SLIT3: variants seen among roughly 807,000 people sequenced by gnomAD.
SLIT3 encodes the protein slit homolog 3 protein.
SLIT3 carries 68 observed loss-of-function variants against 184.0 expected under a neutral mutation model. The observed-to-expected ratio is 0.37, with a 90% CI of 0.30 to 0.45. SLIT3 has a LOEUF of 0.45. Among genes scored for constraint, SLIT3 ranks in the 20% least tolerant of loss-of-function variants. The probability of loss-of-function intolerance (pLI) is 1.00; values close to 1 mark genes in which losing one functional copy is unlikely to be tolerated. For synonymous variants in SLIT3, 831 were observed against 828.6 expected (o/e 1.00, Z -0.05); for missense variants, 1,707 against 2,026.0 (o/e 0.84, Z 3.02).
intron 6 of SLIT3, among the ~76,000 whole-genome samples, chr5:168,827,147 G>A (rs1757732698): frequency 6.6e-6 from 1 of 152,198 alleles, no homozygotes; most frequent in South Asian, 2.1e-4. Context: ...GAAGCATGTG[G>A]TAGTGCCAAG....
chr5:168,789,484 G>A (rs2247645), intron 11 of SLIT3, 76 bp downstream of exon 11: 373,282 of 1,137,568 alleles, frequency 0.33, 67,106 homozygotes, highest in African/African-American at 0.65. Context: ...CACCTCCTGA[G>A]AAATATGGTT....
At chr5:168,691,200 T>C (rs575079394) in intron 29 of SLIT3, among the ~76,000 whole-genome samples, 1 of 152,268 alleles carries the variant, frequency 6.6e-6, no homozygotes, top group Non-Finnish European at 1.5e-5. Flanking sequence ...CCCACTATAC[T>C]CCACACAATC....
At chr5:169,089,135 C>T (rs766591458) in intron 4 of SLIT3, among the ~76,000 whole-genome samples, 6 of 150,324 alleles carry the variant, frequency 4.0e-5, no homozygotes, top group East Asian at 2.0e-4. Flanking sequence ...TCTGATGCAG[C>T]AGCCCTGTAC....
At position 168,663,388 on chromosome 5, in the gene SLIT3, A is replaced by C. The variant is rs1760935120; in HGVS notation, c.*3066T>G. 6.6e-6 allele frequency: 1 copy of C among 152,278 alleles called. No homozygotes were observed. The highest frequency in any genetic ancestry group is 1.5e-5 in the Non-Finnish European group (1 of 68,114). 9.4% of individuals were successfully genotyped at this position (152,278 alleles called of 1,614,324 possible). A position where few individuals can be genotyped will look rare whatever the true frequency, so the allele number is the denominator to read the frequency against. On this transcript the variant is annotated 3_prime_UTR_variant, in exon 36 of 36. Coordinates refer to ENST00000519560, the MANE Select transcript of SLIT3 (RefSeq NM_003062.4). ...TCAAGAGCAGAGCTTCTAAGCTACC[A>C]TAGACATTTGTGATCCATCTGGCCG...
At position 168,753,048 on chromosome 5, in the gene SLIT3, C is replaced by G; in HGVS notation, c.1880G>C (p.Gly627Ala). ...GGACAGCAGTCTCACCGAACTCAGG[C>G]CGGCAAAGGTGTCATTACTCACACA... Reference protein sequence around the residue: ...IGCVSNDTFAGLSSVRLLSLY... With the variant: ...IGCVSNDTFAALSSVRLLSLY... Residue 627 changes from glycine (G) to alanine (A), a missense_variant, in exon 18 of 36, where the codon GGC becomes GCC. This residue lies in a region of SLIT3 where 1,307 missense variants were observed against 1,511.6 expected (regional missense o/e 0.86). Coordinates refer to ENST00000519560, the MANE Select transcript of SLIT3 (RefSeq NM_003062.4). 6 of 1,614,112 alleles carry G rather than the reference C, an allele frequency of 3.7e-6. No homozygotes were observed. Among genetic ancestry groups the G allele is most frequent in the Non-Finnish European group, 4.2e-6 (5 of 1,179,996 alleles).
chr5:168,749,401 T>C, intron 19 of SLIT3, 71 bp downstream of exon 19: 1 of 1,554,780 alleles, frequency 6.4e-7, no homozygotes, highest in Non-Finnish European at 8.8e-7. Flanking sequence ...GAGTATCTGA[T>C]TGTGCATCTT....
intron 4 of SLIT3, among the ~76,000 whole-genome samples, chr5:168,897,649 C>CGT (rs1472897951): frequency 3.6e-5 from 4 of 111,970 alleles, no homozygotes; most frequent in Admixed American, 9.6e-5. Context: ...GGTGCACGTA[C>CGT]ACACACACAC....
chr5:168,849,330 C>A (rs1316606658), intron 5 of SLIT3, among the ~76,000 whole-genome samples: 2 of 152,238 alleles, frequency 1.3e-5, no homozygotes, highest in African/African-American at 4.8e-5. Flanking sequence ...CCAAATCCAG[C>A]AGCAGCGTTC....
chr5:169,098,910 G>T (rs1000661269), intron 4 of SLIT3, among the ~76,000 whole-genome samples: 2 of 152,012 alleles, frequency 1.3e-5, no homozygotes, highest in Non-Finnish European at 2.9e-5. Context: ...CGGGTAGGAG[G>T]GTCACACACC....
At position 169,300,868 on chromosome 5, in the gene SLIT3, G is replaced by T. The variant is rs1258876597; in HGVS notation, c.-159C>A. The T allele has an allele frequency of 3.3e-6, 2 of 607,268 alleles. No individual in the cohort carries two copies. The highest frequency in any genetic ancestry group is 4.6e-6 in the Non-Finnish European group (2 of 436,514). 37.6% of individuals were successfully genotyped at this position (607,268 alleles called of 1,614,324 possible). A position where few individuals can be genotyped will look rare whatever the true frequency, so the allele number is the denominator to read the frequency against. Reference sequence around the variant, plus strand: ...GTGCTCAGGCGCACGGGGCGCGGGCGGAGCGGGGCGCTCCGGGCGGCGGCG... The same window carrying T: ...GTGCTCAGGCGCACGGGGCGCGGGCTGAGCGGGGCGCTCCGGGCGGCGGCG... On this transcript the variant is annotated 5_prime_UTR_variant, in exon 1 of 36. Coordinates refer to ENST00000519560, the MANE Select transcript of SLIT3 (RefSeq NM_003062.4). This position sits in a 1 kb window ranked among gnomAD's most constrained non-coding sequence, Gnocchi z 4.1.
chr5:168,712,801 A>T (rs1762600891), intron 23 of SLIT3: 1 of 161,866 alleles, frequency 6.2e-6, no homozygotes, highest in Non-Finnish European at 1.4e-5. Context: ...GTCGCTTACC[A>T]GCTGTGTGAC....
At chr5:168,945,532 G>A (rs2113220598) in intron 4 of SLIT3, among the ~76,000 whole-genome samples, 1 of 152,270 alleles carries the variant, frequency 6.6e-6, no homozygotes, top group Non-Finnish European at 1.5e-5. Flanking sequence ...CACCACGCCC[G>A]GCCCAGTATC....
At chr5:169,033,809 GA>G (rs1256615246) in intron 4 of SLIT3, among the ~76,000 whole-genome samples, 1 of 140,700 alleles carries the variant, frequency 7.1e-6, no homozygotes, top group African/African-American at 2.7e-5. Context: ...ACTATTGTAT[GA>G]TTTTTTTTTT....
chr5:168,706,609 A>T (rs1762378543), intron 26 of SLIT3: 1 of 152,154 alleles, frequency 6.6e-6, no homozygotes, highest in Non-Finnish European at 1.5e-5. Flanking sequence ...TCTGGACCTT[A>T]TGCATTTAGT....
rs1038236760 is a variant in SLIT3, at chr5:169,193,667, G to T, written c.342-117C>A. The T allele has an allele frequency of 5.3e-5, 43 of 804,870 alleles. 1 individual carries two copies. The South Asian group carries it at 6.0e-4, about 11-fold the overall frequency. 49.9% of individuals were successfully genotyped at this position (804,870 alleles called of 1,614,324 possible). A position where few individuals can be genotyped will look rare whatever the true frequency, so the allele number is the denominator to read the frequency against. ...CAATAGGCATTAAGAGACTCTCTAC[G>T]TCTTTCAGTATGGGCTGCTCAACAC... On this transcript the variant is annotated intron_variant, in intron 3 of 35. Coordinates refer to ENST00000519560, the MANE Select transcript of SLIT3 (RefSeq NM_003062.4).
rs191370081 is a variant in SLIT3 at position 168,694,625 on chromosome 5, C to T, written c.3082+1667G>A. On this transcript the variant is annotated intron_variant, in intron 28 of 35. Coordinates refer to ENST00000519560, the MANE Select transcript of SLIT3 (RefSeq NM_003062.4). Reference sequence around the variant, plus strand: ...TCTCTTTCTTTATCTCTCTCTCTTTCTTTCTTTTTTTGAGACAGAGTTTTG... The same window carrying T: ...TCTCTTTCTTTATCTCTCTCTCTTTTTTTCTTTTTTTGAGACAGAGTTTTG... 4.9e-3 allele frequency among the ~76,000 whole-genome samples: 744 copies of T among 152,144 alleles called. 3 individuals carry two copies. The highest frequency in any genetic ancestry group is 0.017 in the African/African-American group (712 of 41,514).
At chr5:168,711,722 G>T (rs948807447) in intron 24 of SLIT3, among the ~76,000 whole-genome samples, 1 of 152,214 alleles carries the variant, frequency 6.6e-6, no homozygotes, top group Non-Finnish European at 1.5e-5. Context: ...CTGTGGAAGA[G>T]AGGTCTGGCC....
chr5:168,884,189 TG>T (rs1038704140), intron 4 of SLIT3, among the ~76,000 whole-genome samples: 1 of 151,738 alleles, frequency 6.6e-6, no homozygotes, highest in Non-Finnish European at 1.5e-5. Context: ...CAGGCCTGCT[TG>T]GATCTCAACG....
At chr5:169,139,587 C>A (rs1761649917) in intron 4 of SLIT3, among the ~76,000 whole-genome samples, 1 of 152,100 alleles carries the variant, frequency 6.6e-6, no homozygotes, top group Admixed American at 6.5e-5. Flanking sequence ...CACTAGCCCA[C>A]CCCCCCAGGG....
Sources: allele counts gnomAD v4.1 joint callset (sites outside exome capture counted in the v4.1 genomes callset), GRCh38; gene constraint gnomAD v4.1.1; regional missense constraint gnomAD v4.1.1; non-coding constraint Gnocchi (gnomAD v3.1); transcripts MANE v1.5; gene names NCBI Gene and HGNC (gene_info 2026-07-23, HGNC 2026-07-21).